Variants in PCDHB13 observed in about 807,000 individuals in gnomAD.
PCDHB13 encodes the protein protocadherin beta 13.
For synonymous variants in PCDHB13, 515 were observed against 450.7 expected (o/e 1.14, Z -1.81); for missense variants, 1,065 against 1,016.7 (o/e 1.05, Z -0.65).
In PCDHB13 at chr5:141,215,285, G is replaced by A; in HGVS notation, c.1162G>A (p.Glu388Lys). 1 of 1,614,020 alleles carries A rather than the reference G, an allele frequency of 6.2e-7. No homozygotes were observed. The highest frequency in any genetic ancestry group is 8.5e-7 in the Non-Finnish European group (1 of 1,180,002). ...ENGKISCSIQ[E>K]DLPFLLKSAE... ...TGGGAAAATTAGTTGCTCCATTCAG[G>A]AGGATCTACCCTTCCTCCTGAAATC... Residue 388 changes from glutamate to lysine, a missense_variant, in exon 1 of 1, where the codon GAG (glutamate) becomes AAG (lysine). Coordinates refer to ENST00000341948, the MANE Select transcript of PCDHB13 (RefSeq NM_018933.4).
chr5:141,215,296 C>T lies in PCDHB13; in HGVS notation c.1173C>T (p.Pro391=), dbSNP rs1202239081. Residue 391 remains proline (P), a synonymous_variant, in exon 1 of 1, where the codon CCC becomes CCT. Transcript: ENST00000341948. The stretch of plus-strand genomic sequence containing the variant: ...GTTGCTCCATTCAGGAGGATCTACC[C>T]TTCCTCCTGAAATCCGCGGAAAACT... The part of the protein sequence containing the change: ...KISCSIQEDL[P]FLLKSAENFY... The T allele has an allele frequency of 6.2e-7, 1 of 1,613,982 alleles. No homozygotes were observed. The highest frequency in any genetic ancestry group is 1.3e-5 in the African/African-American group (1 of 74,882).
Position 141,218,495 on chromosome 5 carries a change from G to A in PCDHB13, c.*1975G>A, listed in dbSNP as rs1754663209. 2 of 155,650 alleles carry A rather than the reference G, an allele frequency of 1.3e-5. 1 individual carries two copies. Among genetic ancestry groups the A allele is most frequent in the African/African-American group, 4.8e-5 (2 of 41,300 alleles). The allele number at this position is 155,650 out of a possible 1,614,324, so 9.6% of individuals were successfully genotyped here. A position where few individuals can be genotyped will look rare whatever the true frequency, so the allele number is the denominator to read the frequency against. Reference sequence around the variant, plus strand: ...TCTTAGTCACCTAGGCTGGAGTGCAGTGGTGCAATCATAGCTCACTGAAGC... The same window carrying A: ...TCTTAGTCACCTAGGCTGGAGTGCAATGGTGCAATCATAGCTCACTGAAGC... On this transcript the variant is annotated 3_prime_UTR_variant, in exon 1 of 1. Coordinates refer to ENST00000341948, the MANE Select transcript of PCDHB13 (RefSeq NM_018933.4).
In PCDHB13 at chr5:141,214,422, C is replaced by A; in HGVS notation, c.299C>A (p.Thr100Lys). 1 of 1,467,558 alleles carries A rather than the reference C, an allele frequency of 6.8e-7. No individual in the cohort carries two copies. Among genetic ancestry groups the A allele is most frequent in the Non-Finnish European group, 9.5e-7 (1 of 1,052,686 alleles). 90.9% of individuals were successfully genotyped at this position (1,467,558 alleles called of 1,614,324 possible). The stretch of plus-strand genomic sequence containing the variant: ...GACCGTGAGGATCTGTGCGGTCACA[C>A]AGAGCCCTGTGTGCTACGTTTCCAA... ...KLDREDLCGH[T>K]EPCVLRFQVL... Residue 100 changes from threonine to lysine, a missense_variant, in exon 1 of 1, where the codon ACA becomes AAA. Physicochemically the swap from Thr to Lys is moderately conservative, Grantham distance 78. Transcript: ENST00000341948.
In PCDHB13 at chr5:141,214,672, C is replaced by T. The variant is rs1219646309; in HGVS notation, c.549C>T (p.Thr183=). The T allele has an allele frequency of 6.2e-7, 1 of 1,614,020 alleles. No individual in the cohort carries two copies. Among genetic ancestry groups the T allele is most frequent in the Non-Finnish European group, 8.5e-7 (1 of 1,180,000 alleles). The change falls in exon 1 of 1, where the codon ACC becomes ACT. Residue 183 remains threonine, a synonymous_variant. Coordinates refer to ENST00000341948, the MANE Select transcript of PCDHB13 (RefSeq NM_018933.4). ...CCAACTCCTATTTTCGGGTCCTCAC[C>T]CGCAAACGCAGTGATGGCAGGAAAT... ...ISPNSYFRVL[T]RKRSDGRKYP... is the part of the protein sequence containing the mutation.
chr5:141,216,773 AT>A lies in PCDHB13; in HGVS notation c.*260del, dbSNP rs1214939631. 9 of 537,396 alleles carry A rather than the reference AT, an allele frequency of 1.7e-5. No homozygotes were observed. Among genetic ancestry groups the A allele is most frequent in the Admixed American group, 3.2e-5 (1 of 31,294 alleles). 33.3% of individuals were successfully genotyped at this position (537,396 alleles called of 1,614,324 possible). ...TCCCTAAAGAGCAATACCAAATCAC[AT>A]TTTTTTCATGCCCCTATCTTTAGCT... On this transcript the variant is annotated 3_prime_UTR_variant, in exon 1 of 1. Transcript: ENST00000341948.
In PCDHB13 at chr5:141,216,385, T is replaced by C. The variant is rs782371374; in HGVS notation, c.2262T>C (p.Cys754=). ...CCCAGAGCTACCAGTATGAGGTGTG[T>C]CTGGCAGGAGGCTCAGGGACCAATG... ...TLSQSYQYEV[C]LAGGSGTNEF... is the part of the protein sequence containing the mutation. The change falls in exon 1 of 1, where the codon TGT becomes TGC. Residue 754 remains cysteine, a synonymous_variant. Transcript: ENST00000341948. 12 of 1,614,152 alleles carry C rather than the reference T, an allele frequency of 7.4e-6. No individual in the cohort carries two copies. The highest frequency in any genetic ancestry group is 1.0e-5 in the Non-Finnish European group (12 of 1,180,046).
At position 141,215,714 on chromosome 5, in the gene PCDHB13, G is replaced by A. The variant is rs781971248; in HGVS notation, c.1591G>A (p.Val531Met). 2 of 1,612,666 alleles carry A rather than the reference G, an allele frequency of 1.2e-6. No homozygotes were observed. Among genetic ancestry groups the A allele is most frequent in the South Asian group, 1.1e-5 (1 of 91,012 alleles). ...GGCCCTGCAGGGGTTCCAGTTCCGC[G>A]TGGGCGCTTCAGACCACGGCTCCCC... ...YEALQGFQFR[V>M]GASDHGSPAL... The change falls in exon 1 of 1, where the codon GTG (valine) becomes ATG (methionine). Residue 531 changes from valine (V) to methionine (M), a missense_variant. Coordinates refer to ENST00000341948, the MANE Select transcript of PCDHB13 (RefSeq NM_018933.4).
In PCDHB13 at chr5:141,215,701, G is replaced by T. The variant is rs34902137; in HGVS notation, c.1578G>T (p.Gly526=). The T allele has an allele frequency of 1.2e-6, 2 of 1,612,730 alleles. No individual in the cohort carries two copies. The highest frequency in any genetic ancestry group is 1.3e-5 in the African/African-American group (1 of 74,916). ...CTCTGGACTACGAGGCCCTGCAGGG[G>T]TTCCAGTTCCGCGTGGGCGCTTCAG... ...LRSLDYEALQ[G]FQFRVGASDH... is the part of the protein sequence containing the mutation. The change falls in exon 1 of 1, where the codon GGG becomes GGT. Residue 526 remains glycine, a synonymous_variant. Transcript: ENST00000341948.
rs1484111661 is a variant in PCDHB13 at position 141,215,455 on chromosome 5, C to A, written c.1332C>A (p.Val444=). 10 of 1,614,068 alleles carry A rather than the reference C, an allele frequency of 6.2e-6. No individual in the cohort carries two copies. The highest frequency in any genetic ancestry group is 1.6e-4 in the Middle Eastern group (1 of 6,084). The change falls in exon 1 of 1, where the codon GTC becomes GTA. Residue 444 remains valine, a synonymous_variant. Coordinates refer to ENST00000341948, the MANE Select transcript of PCDHB13 (RefSeq NM_018933.4). ...QLNMTVLIAD[V]NDNAPAFTQT... ...ATATGACCGTGCTGATCGCCGATGT[C>A]AATGACAACGCTCCCGCCTTCACCC...
chr5:141,215,840 A>C lies in PCDHB13; in HGVS notation c.1717A>C (p.Thr573Pro), dbSNP rs782672263. 10 of 1,609,288 alleles carry C rather than the reference A, an allele frequency of 6.2e-6. No homozygotes were observed. The highest frequency in any genetic ancestry group is 8.5e-6 in the Non-Finnish European group (10 of 1,179,122). ...YPLQNGSAPC[T>P]ELVPRAAEPG... ...GCTGCAGAACGGCTCCGCGCCCTGC[A>C]CCGAGCTGGTGCCCCGGGCGGCCGA... Residue 573 changes from threonine (T) to proline (P), a missense_variant, in exon 1 of 1, where the codon ACC becomes CCC. Coordinates refer to ENST00000341948, the MANE Select transcript of PCDHB13 (RefSeq NM_018933.4).
rs111467149 is a variant in PCDHB13 at position 141,215,242 on chromosome 5, T to C, written c.1119T>C (p.Asp373=). The C allele has an allele frequency of 4.0e-5, 64 of 1,613,850 alleles. No individual in the cohort carries two copies. The highest frequency in any genetic ancestry group is 1.6e-4 in the Middle Eastern group (1 of 6,062). ...TGGTTGCACTTTTCAGTGTTTCAGATCTTGATTCAGGAGAAAATGGGAAAA... is the reference window on the plus strand; with the variant it reads ...TGGTTGCACTTTTCAGTGTTTCAGACCTTGATTCAGGAGAAAATGGGAAAA... ...ETVVALFSVS[D]LDSGENGKIS... Residue 373 remains aspartate (D), a synonymous_variant, in exon 1 of 1, where the codon GAT becomes GAC. Coordinates refer to ENST00000341948, the MANE Select transcript of PCDHB13 (RefSeq NM_018933.4).
At position 141,215,072 on chromosome 5, in the gene PCDHB13, G is replaced by A; in HGVS notation, c.949G>A (p.Glu317Lys). The A allele has an allele frequency of 1.2e-6, 2 of 1,614,198 alleles. No homozygotes were observed. The highest frequency in any genetic ancestry group is 1.7e-6 in the Non-Finnish European group (2 of 1,180,048). Residue 317 changes from glutamate (E) to lysine (K), a missense_variant, in exon 1 of 1, where the codon GAA becomes AAA. Coordinates refer to ENST00000341948, the MANE Select transcript of PCDHB13 (RefSeq NM_018933.4). ...CGATTTCGAAAAACTTCAGTCCTAT[G>A]AAGTCAATATTGAGGCAAGAGATGC... is the stretch of plus-strand genomic sequence containing the variant. The part of the protein sequence containing the change: ...QLDFEKLQSY[E>K]VNIEARDAGT...
chr5:141,216,193 G>C lies in PCDHB13; in HGVS notation c.2070G>C (p.Leu690=), dbSNP rs1251642046. The C allele has an allele frequency of 3.1e-6, 5 of 1,612,566 alleles. No individual in the cohort carries two copies. Among genetic ancestry groups the C allele is most frequent in the Non-Finnish European group, 4.2e-6 (5 of 1,179,876 alleles). Residue 690 remains leucine (L), a synonymous_variant, in exon 1 of 1, where the codon CTG becomes CTC. Transcript: ENST00000341948. ...QAQADLLTVY[L]VVALASVSSL... is the part of the protein sequence containing the mutation. The stretch of plus-strand genomic sequence containing the variant: ...AGGCCGACTTGCTCACCGTCTACCT[G>C]GTGGTGGCGTTGGCCTCGGTGTCTT...
Position 141,216,590 on chromosome 5 carries a change from C to A in PCDHB13, c.*70C>A, listed in dbSNP as rs2910332. 5 of 1,249,360 alleles carry A rather than the reference C, an allele frequency of 4.0e-6. No individual in the cohort carries two copies. The highest frequency in any genetic ancestry group is 5.9e-6 in the Non-Finnish European group (5 of 846,762). 77.4% of individuals were successfully genotyped at this position (1,249,360 alleles called of 1,614,324 possible). On this transcript the variant is annotated 3_prime_UTR_variant, in exon 1 of 1. Coordinates refer to ENST00000341948, the MANE Select transcript of PCDHB13 (RefSeq NM_018933.4). The stretch of plus-strand genomic sequence containing the variant: ...TTTCCATGCCAATGTTTATTTCCCC[C>A]AATTTGTGTGTATGTAATATTGTAC...
rs782674945 is a variant in PCDHB13 at position 141,216,499 on chromosome 5, CT to C, written c.2379del (p.Phe793LeufsTer10). 2 of 1,613,426 alleles carry C rather than the reference CT, an allele frequency of 1.2e-6. No homozygotes were observed. The highest frequency in any genetic ancestry group is 1.7e-6 in the Non-Finnish European group (2 of 1,179,574). The part of the protein sequence containing the change: ...IQGNSTFPNN[F>X]GFNIQ ...AAGGAAATTCTACCTTCCCCAATAA[CT>C]TTGGGTTCAATATTCAGTGACCATA... On this transcript the variant is annotated frameshift_variant, in exon 1 of 1. Transcript: ENST00000341948. LOFTEE classifies it high-confidence loss of function.
rs782364556 is a variant in PCDHB13, at chr5:141,215,624, A to G, written c.1501A>G (p.Thr501Ala). The G allele has an allele frequency of 6.8e-6, 11 of 1,613,372 alleles. No homozygotes were observed. Among genetic ancestry groups the G allele is most frequent in the East Asian group, 6.7e-5 (3 of 44,858 alleles). Residue 501 changes from threonine (T) to alanine (A), a missense_variant, in exon 1 of 1, where the codon ACA becomes GCA. Physicochemically the swap from Thr to Ala is moderately conservative, Grantham distance 58. Coordinates refer to ENST00000341948, the MANE Select transcript of PCDHB13 (RefSeq NM_018933.4). ...LPPQDPHLPL[T>A]SLVSINADNG... ...GCCCCAGGACCCGCACCTGCCCCTC[A>G]CATCCCTGGTCTCCATCAACGCGGA...
Position 141,216,231 on chromosome 5 carries a change from T to G in PCDHB13, c.2108T>G (p.Phe703Cys). Residue 703 changes from phenylalanine (F) to cysteine (C), a missense_variant, in exon 1 of 1, where the codon TTT (phenylalanine) becomes TGT (cysteine). Transcript: ENST00000341948. Reference sequence around the variant, plus strand: ...GCCTCGGTGTCTTCGCTCTTCCTCTTTTCGGTGCTCCTGTTCGTGGCGGTG... The same window carrying G: ...GCCTCGGTGTCTTCGCTCTTCCTCTGTTCGGTGCTCCTGTTCGTGGCGGTG... ...ALASVSSLFLFSVLLFVAVRL... is the reference protein window; with the variant it reads ...ALASVSSLFLCSVLLFVAVRL... The G allele has an allele frequency of 1.9e-6, 3 of 1,613,122 alleles. No homozygotes were observed. The highest frequency in any genetic ancestry group is 2.5e-6 in the Non-Finnish European group (3 of 1,179,908).
In PCDHB13 at chr5:141,216,735, T is replaced by C. The variant is rs892087291; in HGVS notation, c.*215T>C. The C allele has an allele frequency of 7.6e-6, 5 of 653,806 alleles. No homozygotes were observed. The African/African-American group carries it at 9.1e-5, about 12-fold the overall frequency. The allele number at this position is 653,806 out of a possible 1,614,324, so 40.5% of individuals were successfully genotyped here. A position where few individuals can be genotyped will look rare whatever the true frequency, so the allele number is the denominator to read the frequency against. Reference sequence around the variant, plus strand: ...CTTTAACCCAGATGGTCTTAATTTGTAATTAATTTGCCTCCCTAAAGAGCA... The same window carrying C: ...CTTTAACCCAGATGGTCTTAATTTGCAATTAATTTGCCTCCCTAAAGAGCA... On this transcript the variant is annotated 3_prime_UTR_variant, in exon 1 of 1. Coordinates refer to ENST00000341948, the MANE Select transcript of PCDHB13 (RefSeq NM_018933.4).
rs1554288395 is a variant in PCDHB13, at chr5:141,218,310, T to C, written c.*1790T>C. On this transcript the variant is annotated 3_prime_UTR_variant, in exon 1 of 1. Coordinates refer to ENST00000341948, the MANE Select transcript of PCDHB13 (RefSeq NM_018933.4). The stretch of plus-strand genomic sequence containing the variant: ...TGTAGAGGGACTGGGTATTAGTCAG[T>C]TGATAATGCCAAGAAGTGCAATCTC... 1 of 167,076 alleles carries C rather than the reference T, an allele frequency of 6.0e-6. No individual in the cohort carries two copies. The allele number at this position is 167,076 out of a possible 1,614,324, so 10.3% of individuals were successfully genotyped here.
Sources: gnomAD v4.1 joint callset for allele counts on GRCh38, gnomAD v4.1.1 for gene constraint, MANE v1.5 for transcripts, NCBI Gene and HGNC (gene_info 2026-07-23, HGNC 2026-07-21) for gene names.